FER1L5: variants seen among roughly 807,000 people sequenced by gnomAD.
FER1L5 encodes fer-1-like protein 5.
In FER1L5, 187 loss-of-function variants were observed where a neutral mutation model predicts 279.9. That is an observed-to-expected ratio of 0.67 (90% CI 0.59 to 0.75). The LOEUF is 0.75. Among genes scored for constraint, FER1L5 ranks in the 30% least tolerant of loss-of-function variants. The pLI, the probability that FER1L5 is intolerant of heterozygous loss-of-function variation, is 0.00. For synonymous variants in FER1L5, 921 were observed against 989.7 expected (o/e 0.93, Z 1.30); for missense variants, 2,091 against 2,594.4 (o/e 0.81, Z 4.21).
Position 96,652,106 on chromosome 2 carries a change from A to T in FER1L5, c.633+86A>T, listed in dbSNP as rs1281670504. ...CAGCCGGCAAGCTTGCTCCTTGACTAGGGTGTCTTCATGTGTTTGTTCCAC... is the reference window on the plus strand; with the variant it reads ...CAGCCGGCAAGCTTGCTCCTTGACTTGGGTGTCTTCATGTGTTTGTTCCAC... On this transcript the variant is annotated intron_variant, in intron 7 of 52. Transcript: ENST00000624922. The T allele has an allele frequency of 2.0e-6, 3 of 1,528,038 alleles. No homozygotes were observed. The East Asian group carries it at 7.4e-5, about 37-fold the overall frequency. 94.7% of individuals were successfully genotyped at this position (1,528,038 alleles called of 1,614,324 possible).
At chr2:96,692,460 AG>A (rs2077189418) in intron 31 of FER1L5, among the ~76,000 whole-genome samples, 1 of 152,196 alleles carries the variant, frequency 6.6e-6, no homozygotes, top group Admixed American at 6.5e-5. Flanking sequence ...AAAGACTACG[AG>A]GCAGGGCTGC....
chr2:96,704,021 G>C (rs888814053), intron 51 of FER1L5, among the ~76,000 whole-genome samples, 194 bp from the exon 52 acceptor site: 5 of 151,934 alleles, frequency 3.3e-5, no homozygotes, highest in Non-Finnish European at 7.4e-5. Context: ...TCACCATGTT[G>C]GCCAGGCTGG....
intron 19 of FER1L5, 63 bp from the exon 20 acceptor site, chr2:96,684,262 CAG>C: frequency 6.6e-7 from 1 of 1,525,028 alleles, no homozygotes. Context: ...GGAGGGAGCA[CAG>C]TGAGAAGAGA....
intron 34 of FER1L5, 83 bp from the exon 35 acceptor site, chr2:96,695,426 C>A (rs2077333694): frequency 3.4e-6 from 5 of 1,475,464 alleles, no homozygotes; most frequent in East Asian, 2.5e-5. Context: ...CCGCTATTGC[C>A]CCTCAGCCCC....
intron 18 of FER1L5, among the ~76,000 whole-genome samples, chr2:96,671,674 T>C (rs1218104368): frequency 6.6e-6 from 1 of 151,596 alleles, no homozygotes; most frequent in African/African-American, 2.4e-5. Flanking sequence ...GGAGAGTAGG[T>C]GGAATGAAAG....
In FER1L5 at chr2:96,693,539, G is replaced by A. The variant is rs774457924; in HGVS notation, c.3326G>A (p.Ser1109Asn). The change falls in exon 32 of 53, where the codon AGC becomes AAC. Residue 1109 changes from serine to asparagine, a missense_variant. Transcript: ENST00000624922. ...PFIRVVFLNH[S>N]QCTQTLRSSA... ...ATTCGGGTGGTCTTCCTGAACCACA[G>A]CCAGTGCACCCAAACCCTGAGGAGC... 86 of 1,551,230 alleles carry A rather than the reference G, an allele frequency of 5.5e-5. No individual in the cohort carries two copies. Among genetic ancestry groups the A allele is most frequent in the Non-Finnish European group, 7.3e-5 (84 of 1,146,884 alleles).
intron 19 of FER1L5, among the ~76,000 whole-genome samples, chr2:96,681,131 C>T (rs72941238): frequency 0.022 from 3,371 of 152,168 alleles, 114 homozygotes; most frequent in African/African-American, 0.071. Flanking sequence ...GAGTGTCCAA[C>T]AAAAAATTTA....
intron 23 of FER1L5, among the ~76,000 whole-genome samples, chr2:96,687,464 T>C (rs1347716218): frequency 6.6e-6 from 1 of 152,218 alleles, no homozygotes; most frequent in Non-Finnish European, 1.5e-5. Flanking sequence ...TGCCCTCTCA[T>C]GGTGGGGTGT....
Position 96,694,374 on chromosome 2 carries a change from G to A in FER1L5, c.3651G>A (p.Lys1217=). The change falls in exon 34 of 53, where the codon AAG becomes AAA. Residue 1217 remains lysine, a synonymous_variant. Transcript: ENST00000624922. This position sits in a 1 kb window ranked among gnomAD's most constrained non-coding sequence, Gnocchi z 4.6. ...CCCTCCCCCAGAAGCTTGGAGAGAA[G>A]CAGCTGCCTATCTTAAGCGTTCCCT... The part of the protein sequence containing the change: ...LILQTEKLGE[K]QLPILSVPWK... 2 of 1,549,770 alleles carry A rather than the reference G, an allele frequency of 1.3e-6. No individual in the cohort carries two copies. The highest frequency in any genetic ancestry group is 1.7e-6 in the Non-Finnish European group (2 of 1,146,070).
intron 14 of FER1L5, among the ~76,000 whole-genome samples, chr2:96,664,530 C>T (rs1260450177): frequency 6.6e-6 from 1 of 152,196 alleles, no homozygotes; most frequent in African/African-American, 2.4e-5. Context: ...GTGGTTTATT[C>T]CTTTTTGTTG....
intron 8 of FER1L5, 127 bp from the exon 9 acceptor site, chr2:96,654,319 T>C: frequency 2.5e-6 from 1 of 393,580 alleles, no homozygotes; most frequent in Non-Finnish European, 4.5e-6. Flanking sequence ...TGTGCAAGTG[T>C]CTGCCCCATT....
At chr2:96,655,926 A>G (rs554020142) in intron 9 of FER1L5, among the ~76,000 whole-genome samples, 1 of 152,132 alleles carries the variant, frequency 6.6e-6, no homozygotes, top group South Asian at 2.1e-4. Flanking sequence ...TACCCAGGCT[A>G]GTCTAGAACT....
intron 9 of FER1L5, chr2:96,654,749 A>C: frequency 4.7e-6 from 1 of 214,812 alleles, no homozygotes; most frequent in Non-Finnish European, 9.2e-6. Context: ...AATACAAAAA[A>C]TTAGCGGGGT....
In FER1L5 at chr2:96,673,109, C is replaced by G. The variant is rs377573552; in HGVS notation, c.1524C>G (p.Cys508Trp). The change falls in exon 19 of 53, where the codon TGC becomes TGG. Residue 508 changes from cysteine (C) to tryptophan (W), a missense_variant. By Grantham distance (215) the Cys-to-Trp change is radical. Coordinates refer to ENST00000624922, the MANE Select transcript of FER1L5 (RefSeq NM_001293083.2). ...AGAACCGCCAAAAGTATGGGCTGTG[C>G]GTCATCTTCCTTTCCTGTACCATGA... ...KHQNRQKYGL[C>W]VIFLSCTMMP... 6.4e-7 allele frequency: 1 copy of G among 1,551,522 alleles called. No homozygotes were observed. Among genetic ancestry groups the G allele is most frequent in the Admixed American group, 2.0e-5 (1 of 50,982 alleles).
intron 12 of FER1L5, 135 bp from the exon 13 acceptor site, chr2:96,662,080 G>A (rs1176311401): frequency 3.3e-6 from 3 of 900,808 alleles, no homozygotes; most frequent in African/African-American, 1.7e-5. Context: ...GGCATGGTGG[G>A]AACTGGAGAC....
At chr2:96,665,462 C>T (rs1573841776) in intron 14 of FER1L5, among the ~76,000 whole-genome samples, 2 of 152,136 alleles carry the variant, frequency 1.3e-5, no homozygotes, top group East Asian at 3.9e-4. Context: ...GAGGCCTAGT[C>T]CATCCCCCAT....
intron 9 of FER1L5, among the ~76,000 whole-genome samples, chr2:96,659,289 C>CCG (rs2075732128): frequency 1.6e-5 from 2 of 124,480 alleles, no homozygotes; most frequent in African/African-American, 4.6e-5. Context: ...ATTTATCAAG[C>CCG]TTTCCTTCCT....
At chr2:96,687,108 G>A (rs1174264694) in intron 23 of FER1L5, among the ~76,000 whole-genome samples, 1 of 152,124 alleles carries the variant, frequency 6.6e-6, no homozygotes, top group African/African-American at 2.4e-5. Flanking sequence ...TCCTCCCTGG[G>A]GGGACGTGGG....
chr2:96,689,548 T>A lies in FER1L5; in HGVS notation c.2526-96T>A. ...CTGTCCTGCCCAGAGCAGGTGGGGATGGGATGCCAGGTATGGGAACGCTTG... is the reference window on the plus strand; with the variant it reads ...CTGTCCTGCCCAGAGCAGGTGGGGAAGGGATGCCAGGTATGGGAACGCTTG... On this transcript the variant is annotated intron_variant, in intron 25 of 52. Transcript: ENST00000624922. The surrounding 1 kb of genome is among the most constrained non-coding windows in gnomAD (Gnocchi z 4.6). 1.4e-6 allele frequency: 2 copies of A among 1,423,778 alleles called. No homozygotes were observed. Among genetic ancestry groups the A allele is most frequent in the Non-Finnish European group, 1.9e-6 (2 of 1,033,914 alleles). The allele number at this position is 1,423,778 out of a possible 1,614,324, so 88.2% of individuals were successfully genotyped here.
Sources: allele counts gnomAD v4.1 joint callset (sites outside exome capture counted in the v4.1 genomes callset), GRCh38; gene constraint gnomAD v4.1.1; non-coding constraint Gnocchi (gnomAD v3.1); transcripts MANE v1.5; gene names NCBI Gene and HGNC (gene_info 2026-07-23, HGNC 2026-07-21).